The following SRPK2 variants were observed in gnomAD, a reference collection of about 807,000 sequenced individuals.
The protein encoded by SRPK2 is SRSF protein kinase 2.
SRPK2 carries 21 observed loss-of-function variants against 90.8 expected under a neutral mutation model. The observed-to-expected ratio is 0.23, with a 90% confidence interval of 0.16 to 0.33. The LOEUF is 0.33. SRPK2 is among the 10% of genes least tolerant of loss of function. SRPK2 has a pLI of 1.00. For missense variants in SRPK2, 620 were observed against 869.0 expected, an observed-to-expected ratio of 0.71 and a Z score of 3.60; for synonymous variants, 288 against 311.1, an observed-to-expected ratio of 0.93 and a Z score of 0.78.
chr7:105,267,073 GA>G (rs1805189097), intron 2 of SRPK2, among the ~76,000 whole-genome samples: 1 of 152,152 alleles, frequency 6.6e-6, no homozygotes, highest in African/African-American at 2.4e-5. Flanking sequence ...GAAGTTATCA[GA>G]AGCAATAGTG....
At chr7:105,233,583 T>C (rs1218401315) in intron 2 of SRPK2, among the ~76,000 whole-genome samples, 2 of 152,206 alleles carry the variant, frequency 1.3e-5, no homozygotes, top group African/African-American at 2.4e-5. Context: ...CTGGGCGCAG[T>C]GGCTCACACC....
chr7:105,294,403 G>GAAA (rs537135277), intron 2 of SRPK2, among the ~76,000 whole-genome samples: 1 of 151,962 alleles, frequency 6.6e-6, no homozygotes, highest in Non-Finnish European at 1.5e-5. Flanking sequence ...AGGTTTTGGT[G>GAAA]AAAAAAAATT....
chr7:105,132,262 T>C (rs1306678651), intron 13 of SRPK2, among the ~76,000 whole-genome samples: 1 of 152,158 alleles, frequency 6.6e-6, no homozygotes, highest in Admixed American at 6.5e-5. Context: ...AGCTCTTGCT[T>C]TATAAGGGAA....
intron 3 of SRPK2, among the ~76,000 whole-genome samples, chr7:105,171,319 C>A (rs1791118584): frequency 6.6e-6 from 1 of 152,190 alleles, no homozygotes; most frequent in Non-Finnish European, 1.5e-5. Flanking sequence ...TAAAATTACT[C>A]TTAAGTCTCT....
At chr7:105,233,479 A>G (rs912144293) in intron 2 of SRPK2, among the ~76,000 whole-genome samples, 2 of 152,246 alleles carry the variant, frequency 1.3e-5, no homozygotes, top group African/African-American at 4.8e-5. Context: ...GAACTTGCAT[A>G]TGAGAGAATT....
At chr7:105,143,463 A>G (rs1437800807) in intron 9 of SRPK2, 133 bp from the exon 10 acceptor site, 1 of 1,142,126 alleles carries the variant, frequency 8.8e-7, no homozygotes, top group African/African-American at 1.5e-5. Flanking sequence ...CCAAACCCAG[A>G]CAGATCCACT....
intron 3 of SRPK2, among the ~76,000 whole-genome samples, chr7:105,175,269 A>G (rs950529460): frequency 1.3e-5 from 2 of 152,200 alleles, no homozygotes; most frequent in African/African-American, 2.4e-5. Flanking sequence ...ACACAATTCA[A>G]AAATAACCCA....
intron 2 of SRPK2, among the ~76,000 whole-genome samples, chr7:105,296,541 G>A (rs1809836996): frequency 6.6e-6 from 1 of 152,146 alleles, no homozygotes; most frequent in African/African-American, 2.4e-5. Flanking sequence ...AAATTCAAAT[G>A]TATAATAAAG....
At chr7:105,393,032 C>T (rs556414618), upstream of SRPK2, among the ~76,000 whole-genome samples, 11 of 151,010 alleles carry the variant, frequency 7.3e-5, no homozygotes, top group African/African-American at 1.5e-4. Context: ...CTCGCTCTGT[C>T]GCCCAGGCTG....
rs146228642 is a variant in SRPK2, at chr7:105,154,506, T to C, written c.621+6001A>G. On this transcript the variant is annotated intron_variant, in intron 7 of 15. Transcript: ENST00000393651. Reference sequence around the variant, plus strand: ...TACAATGGTAAATAAATACTAAGTGTAGAGAGACAAAATCAGCCAATGATA... The same window carrying C: ...TACAATGGTAAATAAATACTAAGTGCAGAGAGACAAAATCAGCCAATGATA... 1.9e-3 allele frequency among the ~76,000 whole-genome samples: 286 copies of C among 152,246 alleles called. 2 individuals carry two copies. Among genetic ancestry groups the C allele is most frequent in the African/African-American group, 6.3e-3 (262 of 41,526 alleles).
chr7:105,311,939 A>T (rs1247464359), intron 2 of SRPK2, among the ~76,000 whole-genome samples: 1 of 152,228 alleles, frequency 6.6e-6, no homozygotes, highest in African/African-American at 2.4e-5. Flanking sequence ...CATAACTAAA[A>T]GGAAGAAACA....
At chr7:105,293,455 G>T (rs915155424) in intron 2 of SRPK2, among the ~76,000 whole-genome samples, 3 of 151,078 alleles carry the variant, frequency 2.0e-5, no homozygotes, top group Non-Finnish European at 4.4e-5. Context: ...CCTTTTTTGT[G>T]GGGGGGTGGG....
At chr7:105,368,712 C>T (rs887564640) in intron 2 of SRPK2, among the ~76,000 whole-genome samples, 13 of 151,904 alleles carry the variant, frequency 8.6e-5, no homozygotes, top group African/African-American at 2.7e-4. Flanking sequence ...GATGAAACCC[C>T]GTCTCTACTA....
At chr7:105,205,517 T>TCTCTCTCA (rs1491532268) in intron 2 of SRPK2, among the ~76,000 whole-genome samples, 20 of 95,884 alleles carry the variant, frequency 2.1e-4, no homozygotes, top group African/African-American at 4.6e-4. Context: ...TCTCTCTCTC[T>TCTCTCTCA]CACACACACA....
chr7:105,127,102 T>G, intron 13 of SRPK2, 40 bp from the exon 14 acceptor site: 1 of 1,603,842 alleles, frequency 6.2e-7, no homozygotes, highest in South Asian at 1.1e-5. Context: ...CTTCAGAGAC[T>G]GGCCCCCAAG....
intron 3 of SRPK2, among the ~76,000 whole-genome samples, chr7:105,185,774 T>A (rs1793499257): frequency 6.6e-6 from 1 of 152,190 alleles, no homozygotes; most frequent in South Asian, 2.1e-4. Flanking sequence ...CTTTCCAGTT[T>A]AATCACCATC....
intron 2 of SRPK2, among the ~76,000 whole-genome samples, chr7:105,239,098 C>T (rs1800490031): frequency 2.0e-5 from 3 of 152,192 alleles, no homozygotes; most frequent in Admixed American, 2.0e-4. Flanking sequence ...CCAGAGTGTA[C>T]AATTGCACTA....
chr7:105,265,497 T>C (rs916349223), intron 2 of SRPK2, among the ~76,000 whole-genome samples: 5 of 152,078 alleles, frequency 3.3e-5, no homozygotes, highest in Admixed American at 2.0e-4. Context: ...GGGACAACTG[T>C]ACTACACCTT....
Position 105,279,318 on chromosome 7 carries a change from T to C in SRPK2, c.72-75533A>G, listed in dbSNP as rs73407842. The stretch of plus-strand genomic sequence containing the variant: ...TTTAGATAGCTGCTGCTACTACTTA[T>C]GAGAAACTCTGTTTGAGAGAAAATG... On this transcript the variant is annotated intron_variant, in intron 2 of 15. Transcript: ENST00000393651. 1.2e-3 allele frequency among the ~76,000 whole-genome samples: 184 copies of C among 151,386 alleles called. 1 individual carries two copies. The highest frequency in any genetic ancestry group is 4.4e-3 in the African/African-American group (181 of 41,380).
Sources: gnomAD v4.1 joint callset for allele counts (sites outside exome capture counted in the v4.1 genomes callset) on GRCh38, gnomAD v4.1.1 for gene constraint, MANE v1.5 for transcripts, NCBI Gene and HGNC (gene_info 2026-07-23, HGNC 2026-07-21) for gene names.